The following GRM7 variants were observed in gnomAD, a reference collection of about 807,000 sequenced individuals.
The protein encoded by GRM7 is metabotropic glutamate receptor 7.
Under a neutral mutation model 84.5 loss-of-function variants are expected in GRM7, and 35 were observed. That is an observed-to-expected ratio of 0.41 (90% CI 0.32 to 0.55). The LOEUF (loss-of-function observed/expected upper bound fraction) is 0.55. GRM7 is among the 20% of genes least tolerant of loss of function. GRM7 has a pLI of 0.19. For missense variants in GRM7, 1,003 were observed against 1,194.6 expected (o/e 0.84, Z 2.36); for synonymous variants, 487 against 455.1 (o/e 1.07, Z -0.89).
At chr3:7,661,922 TC>T (rs1243967252) in intron 8 of GRM7, among the ~76,000 whole-genome samples, 2 of 150,882 alleles carry the variant, frequency 1.3e-5, no homozygotes, top group South Asian at 2.1e-4. Flanking sequence ...AAAGTATTTA[TC>T]CCCCCCAATG....
intron 1 of GRM7, among the ~76,000 whole-genome samples, chr3:6,974,955 A>G (rs576259795): frequency 6.6e-6 from 1 of 152,114 alleles, no homozygotes; most frequent in Non-Finnish European, 1.5e-5. Context: ...ATTCTTAGGT[A>G]TTGATGTGTT....
intron 1 of GRM7, among the ~76,000 whole-genome samples, chr3:7,052,939 G>C (rs889298444): frequency 5.3e-5 from 8 of 151,180 alleles, no homozygotes; most frequent in African/African-American, 1.7e-4. Flanking sequence ...TTTATTGTAA[G>C]GGTATGTTTA....
chr3:7,623,265 T>TGAAG (rs1183296095), intron 8 of GRM7, among the ~76,000 whole-genome samples: 1 of 152,068 alleles, frequency 6.6e-6, no homozygotes, highest in Non-Finnish European at 1.5e-5. Context: ...ATGGAGGGAA[T>TGAAG]GAAGGAGAAC....
intron 2 of GRM7, among the ~76,000 whole-genome samples, chr3:7,276,199 ATATATATATG>A (rs1459482285): frequency 2.7e-4 from 35 of 129,432 alleles, no homozygotes; most frequent in African/African-American, 9.7e-4. Context: ...AATTATATAT[ATATATATATG>A]TGTGTGTGTG....
chr3:7,244,588 A>G (rs1351004018), intron 2 of GRM7, among the ~76,000 whole-genome samples: 1 of 152,086 alleles, frequency 6.6e-6, no homozygotes, highest in Admixed American at 6.6e-5. Flanking sequence ...CAGAAGTAAC[A>G]TCATGCCTTA....
intron 7 of GRM7, among the ~76,000 whole-genome samples, chr3:7,515,095 G>T (rs773228199): frequency 6.6e-6 from 1 of 151,534 alleles, no homozygotes; most frequent in Non-Finnish European, 1.5e-5. Flanking sequence ...ACACCTCAAA[G>T]AGTGTTGTGA....
intron 8 of GRM7, among the ~76,000 whole-genome samples, chr3:7,631,689 T>C (rs1454594371): frequency 6.6e-6 from 1 of 152,116 alleles, no homozygotes; most frequent in African/African-American, 2.4e-5. Flanking sequence ...GTAGGATATA[T>C]AACAACATCC....
At chr3:6,951,848 A>T (rs539907522) in intron 1 of GRM7, among the ~76,000 whole-genome samples, 1 of 152,288 alleles carries the variant, frequency 6.6e-6, no homozygotes, top group East Asian at 1.9e-4. Flanking sequence ...TCTCTTAATT[A>T]TTGTGCTTCA....
At chr3:7,054,239 AATCTT>A (rs1487202131) in intron 1 of GRM7, among the ~76,000 whole-genome samples, 2 of 150,118 alleles carry the variant, frequency 1.3e-5, no homozygotes, top group African/African-American at 4.9e-5. Flanking sequence ...AAGCCATTTT[AATCTT>A]ATCTTTTATG....
chr3:7,452,558 T>TTG (rs111752136), intron 5 of GRM7, 49 bp from the exon 6 acceptor site: 23,923 of 1,003,866 alleles, frequency 0.024, 282 homozygotes, highest in African/African-American at 0.099. Flanking sequence ...CAATGCCAAT[T>TTG]TGTGTGTGTG....
intron 2 of GRM7, among the ~76,000 whole-genome samples, chr3:7,274,481 A>T (rs1698980115): frequency 6.6e-6 from 1 of 152,058 alleles, no homozygotes; most frequent in Non-Finnish European, 1.5e-5. Context: ...TATCTGAGAA[A>T]GTCTTCATTT....
chr3:7,425,032 A>G (rs1264073330), intron 5 of GRM7, among the ~76,000 whole-genome samples: 1 of 152,104 alleles, frequency 6.6e-6, no homozygotes, highest in Non-Finnish European at 1.5e-5. Context: ...TTCTCCTCTC[A>G]TGCCTAGTTG....
chr3:7,276,054 C>T lies in GRM7; in HGVS notation c.737-22630C>T, dbSNP rs146344441. Among the ~76,000 whole-genome samples the T allele has an allele frequency of 2.5e-3, 381 of 152,218 alleles. 1 individual carries two copies. The highest frequency in any genetic ancestry group is 8.6e-3 in the African/African-American group (356 of 41,554). On this transcript the variant is annotated intron_variant, in intron 2 of 9. Coordinates refer to ENST00000357716, the MANE Select transcript of GRM7 (RefSeq NM_000844.4). ...CCATGTTAGGGGCAGCAGTTTGTCC[C>T]ATGACCTTACTTCTTTATGGATCTA... is the stretch of plus-strand genomic sequence containing the variant.
chr3:7,143,970 C>G (rs941969537), intron 1 of GRM7, among the ~76,000 whole-genome samples: 6 of 152,222 alleles, frequency 3.9e-5, no homozygotes, highest in African/African-American at 1.2e-4. Context: ...AACTTATAAT[C>G]TCCAAACTAC....
At chr3:7,205,608 A>C (rs1696209684) in intron 2 of GRM7, among the ~76,000 whole-genome samples, 1 of 152,244 alleles carries the variant, frequency 6.6e-6, no homozygotes, top group Non-Finnish European at 1.5e-5. Context: ...TGAGATGGCA[A>C]GTCTCTATTT....
intron 2 of GRM7, among the ~76,000 whole-genome samples, chr3:7,260,144 T>C (rs898005299): frequency 1.3e-5 from 2 of 152,104 alleles, no homozygotes; most frequent in African/African-American, 4.8e-5. Context: ...ATGTTTTTTT[T>C]TTCTTGTAAA....
chr3:7,191,505 A>G (rs921220234), intron 2 of GRM7, among the ~76,000 whole-genome samples: 6 of 152,056 alleles, frequency 3.9e-5, no homozygotes, highest in African/African-American at 1.4e-4. Flanking sequence ...AAAACTGGAA[A>G]TAACCCATGT....
intron 8 of GRM7, among the ~76,000 whole-genome samples, chr3:7,585,094 C>T (rs1695458111): frequency 6.6e-6 from 1 of 152,200 alleles, no homozygotes; most frequent in Non-Finnish European, 1.5e-5. Context: ...CTTTGGAACA[C>T]AGGAGAGAGA....
At chr3:7,296,124 C>G (rs1699806506) in intron 2 of GRM7, among the ~76,000 whole-genome samples, 1 of 151,682 alleles carries the variant, frequency 6.6e-6, no homozygotes, top group Non-Finnish European at 1.5e-5. Flanking sequence ...TTGTTAAGTA[C>G]TTTCTCTGCA....
Sources: allele counts gnomAD v4.1 joint callset (sites outside exome capture counted in the v4.1 genomes callset), GRCh38; gene constraint gnomAD v4.1.1; transcripts MANE v1.5; gene names NCBI Gene and HGNC (gene_info 2026-07-23, HGNC 2026-07-21).